ZDHHC15: variants seen among roughly 807,000 people sequenced by gnomAD.
ZDHHC15 encodes the protein zDHHC palmitoyltransferase 15, also known as palmitoyltransferase ZDHHC15.
Under a neutral mutation model 31.7 loss-of-function variants are expected in ZDHHC15, and 19 were observed. The ratio of observed to expected loss-of-function variants is 0.60; its 90% confidence interval spans 0.42 to 0.88. The LOEUF (loss-of-function observed/expected upper bound fraction) is 0.88. Ranked by LOEUF, ZDHHC15 falls within the 40% of genes least tolerant of loss-of-function variation. The pLI is 0.00. For missense variants in ZDHHC15, 209 were observed against 251.2 expected (o/e 0.83, Z 1.14); for synonymous variants, 103 against 90.0 (o/e 1.14, Z -0.82).
intron 11 of ZDHHC15, among the ~76,000 whole-genome samples, chrX:75,374,696 TATA>T (rs1183014198): frequency 9.5e-6 from 1 of 104,764 alleles, no homozygotes; most frequent in African/African-American, 3.4e-5. Flanking sequence ...TGTATATATA[TATA>T]ATATATGTAT....
chrX:75,457,792 C>T (rs1247831988), intron 3 of ZDHHC15, among the ~76,000 whole-genome samples: 1 of 110,895 alleles, frequency 9.0e-6, no homozygotes, highest in Admixed American at 9.7e-5. Flanking sequence ...AAAAATAATA[C>T]AAATAACAAA....
intron 10 of ZDHHC15, chrX:75,384,521 GC>G (rs2083159123): frequency 1.3e-6 from 1 of 791,737 alleles, no homozygotes; most frequent in African/African-American, 2.0e-5. Context: ...TGTTACCATG[GC>G]AAAACTGGAA....
At chrX:75,467,480 G>A in intron 3 of ZDHHC15, among the ~76,000 whole-genome samples, 1 of 112,531 alleles carries the variant, frequency 8.9e-6, no homozygotes, top group Middle Eastern at 4.6e-3. Flanking sequence ...ATGCATTTTG[G>A]ATGAGGCAAT....
chrX:75,449,167 T>G (rs1426876731), intron 4 of ZDHHC15, among the ~76,000 whole-genome samples: 1 of 105,046 alleles, frequency 9.5e-6, no homozygotes, highest in Non-Finnish European at 1.9e-5. Context: ...TCCATAATCA[T>G]TTGCTGATTC....
At chrX:75,478,335 A>G (rs963661232) in intron 3 of ZDHHC15, among the ~76,000 whole-genome samples, 7 of 111,293 alleles carry the variant, frequency 6.3e-5, no homozygotes, top group Non-Finnish European at 1.1e-4. Context: ...TCAGAGTCCA[A>G]GTGGGTTCTT....
intron 10 of ZDHHC15, among the ~76,000 whole-genome samples, chrX:75,388,649 G>GAAGA (rs2083206406): frequency 9.0e-6 from 1 of 111,507 alleles, no homozygotes; most frequent in South Asian, 3.8e-4. Context: ...AGCTACAAAG[G>GAAGA]AAGAAAGAAA....
Position 75,521,674 on chromosome X carries a change from A to G in ZDHHC15, c.136+1215T>C, listed in dbSNP as rs1361316927. ...AAAAGGGGTAGTCTAATGAGAGGGAATGAGAAATGATATGCCCATTGGGAG... is the reference window on the plus strand; with the variant it reads ...AAAAGGGGTAGTCTAATGAGAGGGAGTGAGAAATGATATGCCCATTGGGAG... On this transcript the variant is annotated intron_variant, in intron 1 of 11. Coordinates refer to ENST00000373367, the MANE Select transcript of ZDHHC15 (RefSeq NM_144969.3). Among the ~76,000 whole-genome samples the G allele has an allele frequency of 1.8e-5, 2 of 111,231 alleles. 1 individual carries two copies. Among genetic ancestry groups the G allele is most frequent in the Non-Finnish European group, 3.8e-5 (2 of 53,032 alleles).
intron 4 of ZDHHC15, among the ~76,000 whole-genome samples, chrX:75,447,561 G>C (rs942437188): frequency 6.3e-5 from 7 of 111,575 alleles, no homozygotes; most frequent in Admixed American, 2.9e-4. Flanking sequence ...ATACCTTGCA[G>C]GGCTGGGGCA....
At chrX:75,416,431 T>A (rs1473129704) in intron 10 of ZDHHC15, among the ~76,000 whole-genome samples, 2 of 111,886 alleles carry the variant, frequency 1.8e-5, no homozygotes, top group Non-Finnish European at 3.8e-5. Context: ...CATAAGTAAA[T>A]GTTGGAGACA....
At chrX:75,501,719 C>T (rs1485313355) in intron 2 of ZDHHC15, 1 of 108,143 alleles carries the variant, frequency 9.2e-6, no homozygotes, top group Non-Finnish European at 1.9e-5. Flanking sequence ...CTTTTATTCA[C>T]ATTTGTCGGC....
At chrX:75,490,037 A>C (rs2084851614) in intron 2 of ZDHHC15, among the ~76,000 whole-genome samples, 1 of 111,726 alleles carries the variant, frequency 9.0e-6, no homozygotes, top group Non-Finnish European at 1.9e-5. Flanking sequence ...AGAGGTTTAG[A>C]GAAAAAAAGA....
At chrX:75,477,447 G>A (rs1380273201) in intron 3 of ZDHHC15, among the ~76,000 whole-genome samples, 2 of 111,597 alleles carry the variant, frequency 1.8e-5, no homozygotes, top group South Asian at 3.7e-4. Flanking sequence ...TGCAAGTGGG[G>A]TATTGAAGTC....
chrX:75,416,422 A>G (rs1317163111), intron 10 of ZDHHC15, among the ~76,000 whole-genome samples: 1 of 112,226 alleles, frequency 8.9e-6, no homozygotes, highest in Non-Finnish European at 1.9e-5. Context: ...TATTAGCAAC[A>G]TAAGTAAATG....
At chrX:75,411,215 A>G (rs1307472261) in intron 10 of ZDHHC15, among the ~76,000 whole-genome samples, 1 of 103,979 alleles carries the variant, frequency 9.6e-6, no homozygotes, top group African/African-American at 3.5e-5. Context: ...TCTATTGTAC[A>G]TTTTTTTTTT....
intron 10 of ZDHHC15, among the ~76,000 whole-genome samples, chrX:75,413,824 G>A (rs978988717): frequency 9.2e-6 from 1 of 109,074 alleles, no homozygotes; most frequent in Non-Finnish European, 1.9e-5. Flanking sequence ...CCCCGACCCC[G>A]AGAAAGCTGA....
chrX:75,451,360 A>T (rs1304413373), intron 3 of ZDHHC15, among the ~76,000 whole-genome samples: 7 of 112,369 alleles, frequency 6.2e-5, no homozygotes, highest in African/African-American at 2.3e-4. Context: ...GGTAACACTG[A>T]TAACACCCTT....
chrX:75,383,783 G>A (rs369969246), intron 10 of ZDHHC15, among the ~76,000 whole-genome samples: 21 of 81,775 alleles, frequency 2.6e-4, no homozygotes, highest in African/African-American at 9.8e-4. Flanking sequence ...CTGTCACCCA[G>A]GCTGGAGTGC....
chrX:75,472,842 A>G (rs1182621683), intron 3 of ZDHHC15, among the ~76,000 whole-genome samples: 1 of 112,266 alleles, frequency 8.9e-6, no homozygotes, highest in Non-Finnish European at 1.9e-5. Flanking sequence ...CAATTTTGCC[A>G]GCAGCAGAGA....
Position 75,494,029 on chromosome X carries a change from A to T in ZDHHC15, c.163+11792T>A, listed in dbSNP as rs905924550. On this transcript the variant is annotated intron_variant, in intron 2 of 11. Coordinates refer to ENST00000373367, the MANE Select transcript of ZDHHC15 (RefSeq NM_144969.3). The stretch of plus-strand genomic sequence containing the variant: ...CAGATGACAGGATTGTATATCTAGA[A>T]AACCCTATCATCTCAGGCCAAAATC... 4.5e-5 allele frequency among the ~76,000 whole-genome samples: 5 copies of T among 111,597 alleles called. 1 individual carries two copies. The highest frequency in any genetic ancestry group is 9.4e-5 in the Non-Finnish European group (5 of 53,130).
Sources: allele counts gnomAD v4.1 joint callset (sites outside exome capture counted in the v4.1 genomes callset), GRCh38; gene constraint gnomAD v4.1.1; transcripts MANE v1.5; gene names NCBI Gene and HGNC (gene_info 2026-07-23, HGNC 2026-07-21).